The following NAA11 variants were observed in gnomAD, a reference collection of about 807,000 sequenced individuals.
NAA11 encodes the protein N-alpha-acetyltransferase 11, NatA catalytic subunit, also known as N-alpha-acetyltransferase 11.
Under a neutral mutation model 16.1 loss-of-function variants are expected in NAA11, and 15 were observed. The observed-to-expected ratio is 0.93, with a 90% CI of 0.62 to 1.44. NAA11 has a LOEUF of 1.44. Among genes scored for constraint, NAA11 ranks in the 40% most tolerant of loss-of-function variants. The probability of loss-of-function intolerance (pLI) is 0.00; values close to 1 mark genes in which losing one functional copy is unlikely to be tolerated. For missense variants in NAA11, 298 were observed against 291.3 expected (o/e 1.02, Z -0.17); for synonymous variants, 122 against 112.4 (o/e 1.09, Z -0.54).
At chr4:79,248,052 A>G (rs539793202) in intron 2 of NAA11, among the ~76,000 whole-genome samples, 35 of 152,226 alleles carry the variant, frequency 2.3e-4, no homozygotes, top group Non-Finnish European at 5.0e-4. Flanking sequence ...GAGCAGGGCA[A>G]TCTTGCCTAT....
At chr4:79,261,871 T>G (rs1177256124) in intron 2 of NAA11, among the ~76,000 whole-genome samples, 1 of 152,158 alleles carries the variant, frequency 6.6e-6, no homozygotes, top group Non-Finnish European at 1.5e-5. Context: ...TTTTGAAGAG[T>G]TGACTAAATG....
chr4:79,319,214 C>T (rs896876510), intron 1 of NAA11, among the ~76,000 whole-genome samples: 5 of 152,284 alleles, frequency 3.3e-5, no homozygotes, highest in African/African-American at 4.8e-5. Context: ...AGGCATGAGC[C>T]GCTGTGCCCA....
chr4:79,272,346 A>G (rs1403578752), intron 2 of NAA11, among the ~76,000 whole-genome samples: 1 of 152,094 alleles, frequency 6.6e-6, no homozygotes, highest in East Asian at 1.9e-4. Flanking sequence ...GAAGGAAGTG[A>G]GGATTTTATT....
chr4:79,180,738 C>A, the NAA11 span, among the ~76,000 whole-genome samples: 1 of 122,692 alleles, frequency 8.2e-6, no homozygotes, highest in Non-Finnish European at 1.9e-5. Flanking sequence ...GGCTATATAC[C>A]CAAAGGATTA....
chr4:79,306,313 A>G (rs908868653), intron 1 of NAA11, among the ~76,000 whole-genome samples: 1 of 152,202 alleles, frequency 6.6e-6, no homozygotes, highest in Non-Finnish European at 1.5e-5. Flanking sequence ...TTGGGATGCT[A>G]GAAGCCTGAG....
At chr4:79,285,755 G>A (rs920904209) in intron 2 of NAA11, among the ~76,000 whole-genome samples, 4 of 151,982 alleles carry the variant, frequency 2.6e-5, no homozygotes, top group African/African-American at 9.7e-5. Context: ...TTCTAGTAGT[G>A]TAAATCATGC....
intron 2 of NAA11, chr4:79,227,448 T>C (rs1206378509): frequency 6.6e-6 from 1 of 151,904 alleles, no homozygotes; most frequent in Non-Finnish European, 1.5e-5. Flanking sequence ...TTGACTTCTA[T>C]TGAAGAAGTG....
intron 1 of NAA11, among the ~76,000 whole-genome samples, chr4:79,297,761 C>A (rs904279816): frequency 2.0e-5 from 3 of 152,168 alleles, no homozygotes; most frequent in African/African-American, 7.2e-5. Context: ...TGCAGGTGCC[C>A]CTTGGTGCAA....
At chr4:79,172,004 A>G in the NAA11 span, among the ~76,000 whole-genome samples, 1 of 152,168 alleles carries the variant, frequency 6.6e-6, no homozygotes, top group East Asian at 1.9e-4. Flanking sequence ...TAGAAAGTTG[A>G]TTAGGTTCAG....
chr4:79,211,745 G>A, the NAA11 span: 1 of 152,186 alleles, frequency 6.6e-6, no homozygotes, highest in African/African-American at 2.4e-5. Context: ...AAGAGGCGAG[G>A]AAATTTCAGA....
At chr4:79,268,704 A>AT (rs35515478) in intron 2 of NAA11, among the ~76,000 whole-genome samples, 92,405 of 150,758 alleles carry the variant, frequency 0.61, 29,556 homozygotes, top group African/African-American at 0.8. Flanking sequence ...GACACTTTGT[A>AT]TTTTTTTTTA....
intron 2 of NAA11, among the ~76,000 whole-genome samples, chr4:79,236,594 A>G (rs564365250): frequency 6.6e-6 from 1 of 152,150 alleles, no homozygotes; most frequent in Admixed American, 6.5e-5. Flanking sequence ...ATTTGAAAAA[A>G]ATTTATGAGT....
Position 79,230,708 on chromosome 4 carries a change from GT to G in NAA11, c.*123-4439del, listed in dbSNP as rs546721227. Among the ~76,000 whole-genome samples, 389 of 151,704 alleles carry G rather than the reference GT, an allele frequency of 2.6e-3. 3 individuals are homozygous for G. The highest frequency in any genetic ancestry group is 8.8e-3 in the African/African-American group (363 of 41,424). On this transcript the variant is annotated intron_variant and NMD_transcript_variant, in intron 2 of 2. Transcript: ENST00000511542. ...TTCATTTGCAGTAATAACTAAAGGA[GT>G]TTTTTTTGCTTTCTTATCTGTTGTT...
intron 2 of NAA11, among the ~76,000 whole-genome samples, chr4:79,228,294 A>G (rs1026242068): frequency 6.6e-6 from 1 of 152,014 alleles, no homozygotes. Context: ...GCTACCATAC[A>G]ACTCTGACCA....
At chr4:79,229,396 CTGTT>C (rs10531342) in intron 2 of NAA11, among the ~76,000 whole-genome samples, 105,797 of 151,250 alleles carry the variant, frequency 0.7, 39,586 homozygotes, top group East Asian at 0.89. Flanking sequence ...TCTGGACTGT[CTGTT>C]TGATCTATGT....
At chr4:79,179,279 G>A in the NAA11 span, among the ~76,000 whole-genome samples, 1 of 152,100 alleles carries the variant, frequency 6.6e-6, no homozygotes, top group Non-Finnish European at 1.5e-5. Context: ...TTACCTAAGA[G>A]AGAGCGGAAA....
the NAA11 span, among the ~76,000 whole-genome samples, chr4:79,158,648 C>T: frequency 6.9e-6 from 1 of 145,520 alleles, no homozygotes; most frequent in East Asian, 2.0e-4. Flanking sequence ...GCCTGCATAG[C>T]CAAAGCAAGA....
chr4:79,325,276 T>C lies in NAA11; in HGVS notation c.602A>G (p.Glu201Gly), dbSNP rs1560481364. 2 of 1,613,878 alleles carry C rather than the reference T, an allele frequency of 1.2e-6. No individual in the cohort carries two copies. The highest frequency in any genetic ancestry group is 1.7e-6 in the Non-Finnish European group (2 of 1,179,822). The stretch of plus-strand genomic sequence containing the variant: ...AGGTTCTTTGCTGTCACTGCCACTT[T>C]CTTCGGTAGCCGGGTTCTTTTGCTG... ...ACQQKNPATE[E>G]SGSDSKEPKE... The change falls in exon 1 of 2, where the codon GAA becomes GGA. Residue 201 changes from glutamate to glycine, a missense_variant. Physicochemically the swap from Glu to Gly is moderately conservative, Grantham distance 98. Transcript: ENST00000286794.
the NAA11 span, among the ~76,000 whole-genome samples, chr4:79,166,888 G>A: frequency 6.8e-6 from 1 of 146,464 alleles, no homozygotes; most frequent in Non-Finnish European, 1.5e-5. Context: ...AAAAATTACA[G>A]GCATGAGCCA....
Sources: gnomAD v4.1 joint callset for allele counts (sites outside exome capture counted in the v4.1 genomes callset) on GRCh38, gnomAD v4.1.1 for gene constraint, MANE v1.5 for transcripts, NCBI Gene and HGNC (gene_info 2026-07-23, HGNC 2026-07-21) for gene names.